The following FARP1 variants were observed in gnomAD, a reference collection of about 807,000 sequenced individuals.
FARP1 encodes FERM, ARHGEF and pleckstrin domain-containing protein 1.
A neutral mutation model predicts 128.8 loss-of-function variants in FARP1; 52 were observed. The observed-to-expected ratio is 0.40, with a 90% CI of 0.32 to 0.51. The LOEUF (loss-of-function observed/expected upper bound fraction) is 0.51. Ranked by LOEUF, FARP1 falls within the 20% of genes least tolerant of loss-of-function variation. FARP1 has a pLI of 0.45. For missense variants in FARP1, 1,333 were observed against 1,367.9 expected, an observed-to-expected ratio of 0.97 and a Z score of 0.40; for synonymous variants, 580 against 551.8, an observed-to-expected ratio of 1.05 and a Z score of -0.72.
intron 24 of FARP1, among the ~76,000 whole-genome samples, chr13:98,443,933 G>A (rs1400750322): frequency 3.8e-4 from 3 of 7,954 alleles, no homozygotes; most frequent in East Asian, 0.029. Flanking sequence ...GGTTATATTT[G>A]TTCCCCGTGG....
At chr13:98,243,469 G>A (rs1882890239) in intron 2 of FARP1, among the ~76,000 whole-genome samples, 1 of 151,994 alleles carries the variant, frequency 6.6e-6, no homozygotes, top group African/African-American at 2.4e-5. Context: ...GCTGAGGGGG[G>A]TGGATCACGA....
chr13:98,174,444 G>C (rs1445974703), intron 1 of FARP1, among the ~76,000 whole-genome samples: 1 of 152,162 alleles, frequency 6.6e-6, no homozygotes, highest in Non-Finnish European at 1.5e-5. Context: ...CTGCTTCGGA[G>C]TGCCTGAAAG....
intron 2 of FARP1, among the ~76,000 whole-genome samples, chr13:98,232,097 T>G (rs1436632447): frequency 1.3e-5 from 2 of 151,254 alleles, no homozygotes; most frequent in Admixed American, 1.3e-4. Context: ...CCCAAAGTGC[T>G]GGGATTACAG....
At chr13:98,244,436 C>G in intron 2 of FARP1, 2 of 1,510,868 alleles carry the variant, frequency 1.3e-6, no homozygotes, top group Admixed American at 2.1e-5. Context: ...TTTTAAAAAA[C>G]AACAACAAAA....
intron 2 of FARP1, among the ~76,000 whole-genome samples, chr13:98,309,649 G>A (rs1008358734): frequency 2.7e-4 from 41 of 152,190 alleles, no homozygotes; most frequent in Admixed American, 6.5e-4. Context: ...AGAATAAAAA[G>A]TGGAACGAAA....
intron 2 of FARP1, among the ~76,000 whole-genome samples, chr13:98,230,011 A>C (rs1398792021): frequency 1.3e-5 from 2 of 152,232 alleles, no homozygotes; most frequent in Non-Finnish European, 2.9e-5. Flanking sequence ...TATAAACGAC[A>C]TTTCCTAGCA....
intron 24 of FARP1, among the ~76,000 whole-genome samples, chr13:98,444,780 G>A (rs1434577868): frequency 2.0e-5 from 3 of 152,226 alleles, no homozygotes; most frequent in African/African-American, 7.2e-5. Flanking sequence ...GCTGGCTGCT[G>A]TGTGAAAATT....
chr13:98,390,129 G>T lies in FARP1; in HGVS notation c.1019+9G>T. 1 of 1,610,164 alleles carries T rather than the reference G, an allele frequency of 6.2e-7. No individual in the cohort carries two copies. The highest frequency in any genetic ancestry group is 8.5e-7 in the Non-Finnish European group (1 of 1,178,144). The stretch of plus-strand genomic sequence containing the variant: ...TCATCATTTCGGTTCAGGTGAGGTC[G>T]CCACTTTGTGCCTCTGTTTGCTGGG... On this transcript the variant is annotated intron_variant, in intron 10 of 26. Transcript: ENST00000319562.
In FARP1 at chr13:98,390,838, A is replaced by C. The variant is rs775624327; in HGVS notation, c.1046A>C (p.Asp349Ala). 28 of 1,613,640 alleles carry C rather than the reference A, an allele frequency of 1.7e-5. No homozygotes were observed. The highest frequency in any genetic ancestry group is 1.6e-4 in the Middle Eastern group (1 of 6,084). Residue 349 changes from aspartate (D) to alanine (A), a missense_variant, in exon 11 of 27, where the codon GAC becomes GCC. Transcript: ENST00000319562. ...GGTCGGACTCAGAAGCAGGTTCTCG[A>C]CTATGTTAAAGAAGGAGGACATAAG... is the stretch of plus-strand genomic sequence containing the variant. ...FSGRTQKQVL[D>A]YVKEGGHKKV...
At chr13:98,250,310 A>C (rs1208524183) in intron 2 of FARP1, among the ~76,000 whole-genome samples, 1 of 152,228 alleles carries the variant, frequency 6.6e-6, no homozygotes, top group Admixed American at 6.5e-5. Flanking sequence ...CAATAATGCC[A>C]GTCTTTTGGG....
At chr13:98,355,040 A>G (rs545210283) in intron 3 of FARP1, among the ~76,000 whole-genome samples, 11 of 152,294 alleles carry the variant, frequency 7.2e-5, no homozygotes, top group Middle Eastern at 3.4e-3. Context: ...TAAAATATGA[A>G]ACCATTTTTA....
intron 24 of FARP1, chr13:98,445,857 G>GTC (rs1566328141): frequency 2.2e-5 from 10 of 464,712 alleles, no homozygotes; most frequent in African/African-American, 1.0e-4. Context: ...GGACCTCAAC[G>GTC]TGTCTTTTGG....
At chr13:98,345,531 T>C (rs1183726179) in intron 3 of FARP1, 3 of 152,250 alleles carry the variant, frequency 2.0e-5, no homozygotes, top group African/African-American at 7.2e-5. Flanking sequence ...GGCTTGACTT[T>C]TATGATTTCA....
chr13:98,217,329 G>A (rs1231181610), intron 2 of FARP1, among the ~76,000 whole-genome samples: 2 of 152,176 alleles, frequency 1.3e-5, no homozygotes, highest in Admixed American at 1.3e-4. Flanking sequence ...GACACCTAGT[G>A]CCTGTCGAAG....
Position 98,453,035 on chromosome 13 carries a change from A to G in FARP1, c.*4718A>G. The G allele has an allele frequency of 1.1e-6, 1 of 887,122 alleles. No individual in the cohort carries two copies. Among genetic ancestry groups the G allele is most frequent in the Non-Finnish European group, 1.7e-6 (1 of 571,926 alleles). The allele number at this position is 887,122 out of a possible 1,614,324, so 55.0% of individuals were successfully genotyped here. A position where few individuals can be genotyped will look rare whatever the true frequency, so the allele number is the denominator to read the frequency against. The stretch of plus-strand genomic sequence containing the variant: ...CAGTGAAGACTGTGTGTGTCCCTGG[A>G]CGGGCGCCTGGCGCTGGGGTGGCTC... On this transcript the variant is annotated 3_prime_UTR_variant, in exon 27 of 27. Transcript: ENST00000319562.
At position 98,328,002 on chromosome 13, in the gene FARP1, T is replaced by C. The variant is rs183633915; in HGVS notation, c.172-15760T>C. ...CACGCGATTGAGATTCACGGTCCCA[T>C]GTTCAAAACATGGCAGTGTTAGCAT... On this transcript the variant is annotated intron_variant, in intron 2 of 26. Transcript: ENST00000319562. Among the ~76,000 whole-genome samples the C allele has an allele frequency of 2.3e-4, 35 of 152,268 alleles. 1 individual carries two copies. In the East Asian group the frequency reaches 6.0e-3, roughly 26 times the overall value.
chr13:98,451,358 C>T lies in FARP1; in HGVS notation c.*3041C>T, dbSNP rs1010811202. The T allele has an allele frequency of 6.6e-6, 1 of 152,160 alleles. No homozygotes were observed. Among genetic ancestry groups the T allele is most frequent in the Non-Finnish European group, 1.5e-5 (1 of 68,030 alleles). The allele number at this position is 152,160 out of a possible 1,614,324, so 9.4% of individuals were successfully genotyped here. A position where few individuals can be genotyped will look rare whatever the true frequency, so the allele number is the denominator to read the frequency against. On this transcript the variant is annotated 3_prime_UTR_variant, in exon 27 of 27. Transcript: ENST00000319562. The stretch of plus-strand genomic sequence containing the variant: ...TGGAAACACAAAATGAAATCTTCTC[C>T]AATTTTATTATTCAACATAACATTC...
At chr13:98,373,409 T>A (rs1218030274) in intron 5 of FARP1, among the ~76,000 whole-genome samples, 1 of 152,180 alleles carries the variant, frequency 6.6e-6, no homozygotes, top group Non-Finnish European at 1.5e-5. Flanking sequence ...TACAAAGTGT[T>A]GGGCTCAAAA....
intron 1 of FARP1, among the ~76,000 whole-genome samples, chr13:98,148,310 G>A (rs1160282314): frequency 6.6e-6 from 1 of 152,180 alleles, no homozygotes; most frequent in African/African-American, 2.4e-5. Context: ...CCCGGGAGGC[G>A]GAGGTTGTGG....
Sources: allele counts gnomAD v4.1 joint callset (sites outside exome capture counted in the v4.1 genomes callset), GRCh38; gene constraint gnomAD v4.1.1; transcripts MANE v1.5; gene names NCBI Gene and HGNC (gene_info 2026-07-23, HGNC 2026-07-21).